The following PDE10A variants were observed in gnomAD, a reference collection of about 807,000 sequenced individuals.
PDE10A encodes phosphodiesterase 10A, also known as cAMP and cAMP-inhibited cGMP 3',5'-cyclic phosphodiesterase 10A.
PDE10A carries 39 observed loss-of-function variants against 97.7 expected under a neutral mutation model. The ratio of observed to expected loss-of-function variants is 0.40; its 90% CI spans 0.31 to 0.52. The LOEUF is 0.52. PDE10A is among the 20% of genes least tolerant of loss of function. PDE10A has a pLI of 0.56. For synonymous variants in PDE10A, 371 were observed against 376.8 expected (o/e 0.98, Z 0.18); for missense variants, 731 against 1,047.8 (o/e 0.70, Z 4.17).
At chr6:165,674,321 G>T (rs1790732112) in intron 1 of PDE10A, among the ~76,000 whole-genome samples, 1 of 131,078 alleles carries the variant, frequency 7.6e-6, no homozygotes, top group African/African-American at 2.6e-5. Flanking sequence ...CAGGCACTCA[G>T]CAGGAAAAGA....
At chr6:165,344,868 C>G (rs1782204727) in intron 18 of PDE10A, among the ~76,000 whole-genome samples, 1 of 152,138 alleles carries the variant, frequency 6.6e-6, no homozygotes, top group South Asian at 2.1e-4. Flanking sequence ...TTTATGCATA[C>G]CCTTCCTGTA....
chr6:165,379,162 T>C, intron 18 of PDE10A, 32 bp downstream of exon 18: 1 of 1,445,816 alleles, frequency 6.9e-7, no homozygotes, highest in Non-Finnish European at 9.5e-7. Flanking sequence ...TAACACTTTC[T>C]GGGCTTCTAA....
In PDE10A at chr6:165,819,719, G is replaced by A. The variant is rs1054786344; in HGVS notation, c.-615+167810C>T. 6.6e-6 allele frequency among the ~76,000 whole-genome samples: 1 copy of A among 152,120 alleles called. No homozygotes were observed. The highest frequency in any genetic ancestry group is 1.5e-5 in the Non-Finnish European group (1 of 68,016). ...ACTGTGCACCACGTACTCCTCACCC[G>A]CCCTCCCGCTGTGAGCACATTCCGG... On this transcript the variant is annotated intron_variant, in intron 1 of 19. Coordinates refer to the PDE10A transcript ENST00000366882. This position sits in a 1 kb window ranked among gnomAD's most constrained non-coding sequence, Gnocchi z 4.2.
chr6:165,771,725 C>T (rs1250970773), intron 1 of PDE10A, among the ~76,000 whole-genome samples: 1 of 150,484 alleles, frequency 6.6e-6, no homozygotes, highest in Non-Finnish European at 1.5e-5. Flanking sequence ...GTCTTCAAGT[C>T]ATTCAGGCTT....
intron 1 of PDE10A, among the ~76,000 whole-genome samples, chr6:165,549,145 G>A (rs1303069926): frequency 1.3e-5 from 2 of 152,040 alleles, no homozygotes; most frequent in Non-Finnish European, 2.9e-5. Context: ...ACATAGAGTC[G>A]TACTCTTTTT....
chr6:165,535,306 T>C (rs947835082), intron 2 of PDE10A, among the ~76,000 whole-genome samples: 2 of 151,968 alleles, frequency 1.3e-5, no homozygotes, highest in African/African-American at 2.4e-5. Context: ...TCTGGGATTT[T>C]AGTGTAGCCA....
chr6:165,675,382 T>C, intron 1 of PDE10A, among the ~76,000 whole-genome samples: 1 of 152,350 alleles, frequency 6.6e-6, no homozygotes. Flanking sequence ...ATACAAGAGT[T>C]TATTTTTATT....
intron 1 of PDE10A, among the ~76,000 whole-genome samples, chr6:165,983,068 GAC>G (rs10623514): frequency 6.6e-6 from 1 of 151,002 alleles, no homozygotes; most frequent in Non-Finnish European, 1.5e-5. Context: ...ACAATTTTAC[GAC>G]ACACACACAC....
intron 1 of PDE10A, among the ~76,000 whole-genome samples, chr6:165,687,923 G>A (rs532656066): frequency 2.0e-5 from 3 of 152,328 alleles, no homozygotes; most frequent in Admixed American, 6.5e-5. Flanking sequence ...CGCAGAGGTT[G>A]ATGTGCTGTG....
intron 1 of PDE10A, among the ~76,000 whole-genome samples, chr6:165,978,663 A>G (rs1784917827): frequency 6.6e-6 from 1 of 152,346 alleles, no homozygotes; most frequent in South Asian, 2.1e-4. Context: ...GATTAAAAAA[A>G]TGACGACTCA....
intron 1 of PDE10A, among the ~76,000 whole-genome samples, chr6:165,791,579 G>A (rs913755470): frequency 2.0e-5 from 3 of 152,166 alleles, no homozygotes; most frequent in African/African-American, 7.2e-5. Flanking sequence ...GACACCTGAA[G>A]TGACACTGCT....
chr6:165,619,221 A>G (rs1787907829), intron 1 of PDE10A, among the ~76,000 whole-genome samples: 1 of 150,286 alleles, frequency 6.7e-6, no homozygotes, highest in African/African-American at 2.5e-5. Flanking sequence ...AGTGTAGACT[A>G]GTGTAGTGTA....
intron 1 of PDE10A, among the ~76,000 whole-genome samples, chr6:165,904,246 G>A (rs187278505): frequency 4.7e-4 from 71 of 152,296 alleles, no homozygotes; most frequent in African/African-American, 1.1e-3. Flanking sequence ...GACGGAATCC[G>A]AAGCAGCAGT....
In PDE10A at chr6:165,943,164, GAAAGAAAGAAAAAAGAAAGA is replaced by G. The variant is rs1180064920; in HGVS notation, c.-615+44345_-615+44364del. Among the ~76,000 whole-genome samples the G allele has an allele frequency of 7.6e-3, 617 of 81,650 alleles. 40 individuals carry two copies. Among genetic ancestry groups the G allele is most frequent in the African/African-American group, 0.013 (240 of 18,446 alleles). The allele number at this position is 81,650 out of a possible 152,430, so 53.6% of individuals were successfully genotyped here. ...AGAGGAGAGAGAGAGAGAGAGAGAAGAAAGAAAGAAAAAAGAAAGAAAGAAAGAAAGAAAGAAAGAAAGAA... is the reference window on the plus strand; with the variant it reads ...AGAGGAGAGAGAGAGAGAGAGAGAAGAAGAAAGAAAGAAAGAAAGAAAGAA... On this transcript the variant is annotated intron_variant, in intron 1 of 19. Transcript: ENST00000366882.
intron 10 of PDE10A, among the ~76,000 whole-genome samples, chr6:165,424,847 T>C (rs1195607968): frequency 6.6e-6 from 1 of 152,122 alleles, no homozygotes; most frequent in Non-Finnish European, 1.5e-5. Context: ...TTATAAAAAT[T>C]TGATAATACC....
intron 1 of PDE10A, among the ~76,000 whole-genome samples, chr6:165,822,227 GCTGGATGGCACAGCCCACCACACAC>G (rs1370162235): frequency 1.3e-5 from 2 of 151,802 alleles, no homozygotes; most frequent in South Asian, 2.1e-4. Context: ...ACACACCTGG[GCTGGATGGCACAGCCCACCACACAC>G]CTGGATGGCA....
intron 2 of PDE10A, among the ~76,000 whole-genome samples, chr6:165,537,233 G>C (rs1783142264): frequency 6.6e-6 from 1 of 151,972 alleles, no homozygotes; most frequent in African/African-American, 2.4e-5. Flanking sequence ...GGCTAGAAAA[G>C]GGATCTCACG....
At chr6:165,426,765 C>G (rs1205282238) in intron 10 of PDE10A, among the ~76,000 whole-genome samples, 1 of 152,020 alleles carries the variant, frequency 6.6e-6, no homozygotes, top group Non-Finnish European at 1.5e-5. Context: ...GAACTCTTAA[C>G]AAGTCAATAA....
At chr6:165,827,422 T>C (rs191869687) in intron 1 of PDE10A, among the ~76,000 whole-genome samples, 2 of 152,318 alleles carry the variant, frequency 1.3e-5, no homozygotes, top group African/African-American at 4.8e-5. Context: ...CAGTAATTCC[T>C]GGGAATGTGG....
Sources: allele counts gnomAD v4.1 joint callset (sites outside exome capture counted in the v4.1 genomes callset), GRCh38; gene constraint gnomAD v4.1.1; non-coding constraint Gnocchi (gnomAD v3.1); transcripts MANE v1.5; gene names NCBI Gene and HGNC (gene_info 2026-07-23, HGNC 2026-07-21).